Variants in KIAA0513 observed in about 807,000 individuals in gnomAD.
KIAA0513 encodes uncharacterized protein KIAA0513.
In KIAA0513, 39 loss-of-function variants were observed where a neutral mutation model predicts 56.5. The ratio of observed to expected loss-of-function variants is 0.69; its 90% CI spans 0.53 to 0.90. The LOEUF is 0.90. Ranked by LOEUF, KIAA0513 falls within the 40% of genes least tolerant of loss-of-function variation. KIAA0513 has a pLI of 0.00. For synonymous variants in KIAA0513, 268 were observed against 215.6 expected (o/e 1.24, Z -2.13); for missense variants, 591 against 535.2 (o/e 1.10, Z -1.03).
intron 1 of KIAA0513, among the ~76,000 whole-genome samples, chr16:85,045,890 C>CT (rs2073164151): frequency 6.6e-6 from 1 of 152,196 alleles, no homozygotes; most frequent in Non-Finnish European, 1.5e-5. Flanking sequence ...CTGGCTTGGA[C>CT]TTTCTGTACT....
At chr16:85,078,581 GC>G (rs1450688969) in intron 7 of KIAA0513, 126 bp downstream of exon 7, 2 of 850,628 alleles carry the variant, frequency 2.4e-6, no homozygotes, top group African/African-American at 3.4e-5. Context: ...CCTGGGTGAT[GC>G]CCCAGTTGCT....
At chr16:85,051,821 GTT>G (rs573419828) in intron 1 of KIAA0513, among the ~76,000 whole-genome samples, 6 of 141,696 alleles carry the variant, frequency 4.2e-5, no homozygotes, top group Admixed American at 7.1e-5. Context: ...TCCCTCTCAT[GTT>G]TTTTTTTTTT....
intron 10 of KIAA0513, among the ~76,000 whole-genome samples, chr16:85,085,942 C>T (rs914244811): frequency 9.9e-5 from 15 of 152,156 alleles, no homozygotes; most frequent in African/African-American, 2.9e-4. Context: ...CACAGGGTCA[C>T]GGTCAAAGAG....
intron 10 of KIAA0513, among the ~76,000 whole-genome samples, chr16:85,086,206 C>G (rs2073805887): frequency 6.6e-6 from 1 of 152,200 alleles, no homozygotes; most frequent in Non-Finnish European, 1.5e-5. Flanking sequence ...TAAAAACGTT[C>G]CCTGGGCCAC....
intron 10 of KIAA0513, among the ~76,000 whole-genome samples, chr16:85,084,772 A>G (rs1297602232): frequency 6.6e-6 from 1 of 150,880 alleles, no homozygotes; most frequent in Non-Finnish European, 1.5e-5. Flanking sequence ...CATGTTGGCC[A>G]GGCTGGTCTT....
At chr16:85,037,085 G>C (rs567021818) in intron 1 of KIAA0513, among the ~76,000 whole-genome samples, 1 of 152,136 alleles carries the variant, frequency 6.6e-6, no homozygotes, top group African/African-American at 2.4e-5. Context: ...AGAGAGAAGG[G>C]GATTATTTTT....
At chr16:85,046,797 T>C (rs187803188) in intron 1 of KIAA0513, among the ~76,000 whole-genome samples, 1 of 152,374 alleles carries the variant, frequency 6.6e-6, no homozygotes, top group Admixed American at 6.5e-5. Context: ...TTCTCCTTTA[T>C]ACCTTCTGTT....
rs1210923107 is a variant in KIAA0513, at chr16:85,078,392, T to C, written c.783-23T>C. 4 of 1,613,770 alleles carry C rather than the reference T, an allele frequency of 2.5e-6. No homozygotes were observed. In the African/African-American group the frequency reaches 4.0e-5, roughly 16 times the overall value. On this transcript the variant is annotated intron_variant, in intron 6 of 12. Coordinates refer to ENST00000683363, the MANE Select transcript of KIAA0513 (RefSeq NM_001388359.1). The stretch of plus-strand genomic sequence containing the variant: ...AGTGTGGTGTGAGTCGCGTGTGTCA[T>C]CATTGTGCCTTCTCTCCCTCAGGGA...
chr16:85,031,241 G>A (rs2072960389), intron 1 of KIAA0513, among the ~76,000 whole-genome samples: 1 of 152,152 alleles, frequency 6.6e-6, no homozygotes, highest in Non-Finnish European at 1.5e-5. Flanking sequence ...GCACTTTGTA[G>A]GGGCCAGGGT....
At position 85,076,793 on chromosome 16, in the gene KIAA0513, C is replaced by G. The variant is rs949820977; in HGVS notation, c.575-632C>G. Among the ~76,000 whole-genome samples the G allele has an allele frequency of 1.1e-4, 16 of 152,138 alleles. No individual in the cohort carries two copies. The highest frequency in any genetic ancestry group is 2.2e-4 in the Non-Finnish European group (15 of 68,000). Reference sequence around the variant, plus strand: ...GAACCCCCCAGTACAACCTGTGGCTCCTCCTTTTTGAAGAACGGATAGACA... The same window carrying G: ...GAACCCCCCAGTACAACCTGTGGCTGCTCCTTTTTGAAGAACGGATAGACA... On this transcript the variant is annotated intron_variant, in intron 5 of 12. Coordinates refer to ENST00000683363, the MANE Select transcript of KIAA0513 (RefSeq NM_001388359.1). This position sits in a 1 kb window ranked among gnomAD's most constrained non-coding sequence, Gnocchi z 4.7.
chr16:85,039,023 T>C (rs1354223747), intron 1 of KIAA0513, among the ~76,000 whole-genome samples: 1 of 152,200 alleles, frequency 6.6e-6, no homozygotes, highest in Non-Finnish European at 1.5e-5. Flanking sequence ...CTTTTTTTGC[T>C]CTCTGACTAG....
At chr16:85,065,926 A>G (rs1300836916) in intron 1 of KIAA0513, among the ~76,000 whole-genome samples, 1 of 152,226 alleles carries the variant, frequency 6.6e-6, no homozygotes, top group Non-Finnish European at 1.5e-5. Flanking sequence ...CCCTGTGAGC[A>G]TGTTCACAAT....
At chr16:85,072,057 A>C (rs1278594606) in intron 3 of KIAA0513, among the ~76,000 whole-genome samples, 175 bp downstream of exon 3, 1 of 152,186 alleles carries the variant, frequency 6.6e-6, no homozygotes, top group African/African-American at 2.4e-5. Context: ...GAGTGTTTAG[A>C]ATAGTAAGAA....
At chr16:85,065,144 C>A (rs565333024) in intron 1 of KIAA0513, among the ~76,000 whole-genome samples, 1 of 152,312 alleles carries the variant, frequency 6.6e-6, no homozygotes, top group East Asian at 1.9e-4. Flanking sequence ...TGTGGTTTTT[C>A]ATTTTTAATG....
intron 6 of KIAA0513, 105 bp downstream of exon 6, chr16:85,077,737 T>C: frequency 1.2e-6 from 1 of 820,720 alleles, no homozygotes; most frequent in Non-Finnish European, 1.9e-6. Flanking sequence ...GCCCAGAGAC[T>C]GTCAGGAACA....
chr16:85,049,497 G>A (rs563320773), intron 1 of KIAA0513, among the ~76,000 whole-genome samples: 5 of 152,182 alleles, frequency 3.3e-5, no homozygotes, highest in East Asian at 3.8e-4. Context: ...TCACGGGGGC[G>A]AATTTCTCAT....
At position 85,077,665 on chromosome 16, in the gene KIAA0513, A is replaced by G. The variant is rs1004349433; in HGVS notation, c.782+33A>G. Reference sequence around the variant, plus strand: ...TGGCCTTGGGGTCCCTCCCACCTGCAGGGGACTGGGGAGAGGCTGGTGTGG... The same window carrying G: ...TGGCCTTGGGGTCCCTCCCACCTGCGGGGGACTGGGGAGAGGCTGGTGTGG... On this transcript the variant is annotated intron_variant, in intron 6 of 12. Coordinates refer to ENST00000683363, the MANE Select transcript of KIAA0513 (RefSeq NM_001388359.1). The G allele has an allele frequency of 5.9e-6, 9 of 1,531,466 alleles. No individual in the cohort carries two copies. In the Middle Eastern group the frequency reaches 7.3e-4, roughly 125 times the overall value. 94.9% of individuals were successfully genotyped at this position (1,531,466 alleles called of 1,614,324 possible).
At chr16:85,074,410 C>T (rs2073627021) in intron 4 of KIAA0513, among the ~76,000 whole-genome samples, 1 of 151,924 alleles carries the variant, frequency 6.6e-6, no homozygotes, top group East Asian at 1.9e-4. Flanking sequence ...CTCAAACTCC[C>T]GGGCTCAAGG....
chr16:85,059,321 A>G (rs1256923699), intron 1 of KIAA0513, among the ~76,000 whole-genome samples: 1 of 152,186 alleles, frequency 6.6e-6, no homozygotes, highest in African/African-American at 2.4e-5. Context: ...AACTTTGCTT[A>G]GGTGTTCTGG....
Sources: allele counts gnomAD v4.1 joint callset (sites outside exome capture counted in the v4.1 genomes callset), GRCh38; gene constraint gnomAD v4.1.1; non-coding constraint Gnocchi (gnomAD v3.1); transcripts MANE v1.5; gene names NCBI Gene and HGNC (gene_info 2026-07-23, HGNC 2026-07-21).